ZNF260: variants seen among roughly 807,000 people sequenced by gnomAD.
The protein encoded by ZNF260 is zinc finger protein 260.
A neutral mutation model predicts 29.3 loss-of-function variants in ZNF260; 21 were observed. That is an observed-to-expected ratio of 0.72 (90% CI 0.51 to 1.03). ZNF260 has a LOEUF of 1.03. Among genes scored for constraint, ZNF260 ranks in the 50% least tolerant of loss-of-function variants. The pLI, the probability that ZNF260 is intolerant of heterozygous loss-of-function variation, is 0.00. For synonymous variants in ZNF260, 156 were observed against 156.8 expected (o/e 0.99, Z 0.04); for missense variants, 465 against 487.8 (o/e 0.95, Z 0.44).
Position 36,512,951 on chromosome 19 carries a change from C to T in ZNF260, c.*1049G>A, listed in dbSNP as rs2034476207. 2 of 152,268 alleles carry T rather than the reference C, an allele frequency of 1.3e-5. No individual in the cohort carries two copies. Among genetic ancestry groups the T allele is most frequent in the South Asian group, 4.2e-4 (2 of 4,818 alleles). The allele number at this position is 152,268 out of a possible 1,614,324, so 9.4% of individuals were successfully genotyped here. A position where few individuals can be genotyped will look rare whatever the true frequency, so the allele number is the denominator to read the frequency against. On this transcript the variant is annotated 3_prime_UTR_variant, in exon 3 of 3. Coordinates refer to ENST00000523638, the MANE Select transcript of ZNF260 (RefSeq NM_001166037.2). ...TCCCCCTTATCCACAGCTTTGCTTT[C>T]CATGGTTTCAGTTACCTGTAGTCAC... is the stretch of plus-strand genomic sequence containing the variant.
chr19:36,516,576 G>A (rs1005171893), intron 2 of ZNF260, among the ~76,000 whole-genome samples: 6 of 152,092 alleles, frequency 3.9e-5, no homozygotes, highest in African/African-American at 1.4e-4. Context: ...TGCAAGACTC[G>A]GTCTTTTATT....
At position 36,524,534 on chromosome 19, in the gene ZNF260, T is replaced by TTTTTTTTTTTA. The variant is rs1555779912; in HGVS notation, c.-462+620_-462+621insTAAAAAAAAAA. Among the ~76,000 whole-genome samples, 678 of 125,928 alleles carry TTTTTTTTTTTA rather than the reference T, an allele frequency of 5.4e-3. 21 individuals are homozygous for TTTTTTTTTTTA. The highest frequency in any genetic ancestry group is 0.019 in the African/African-American group (647 of 34,560). 82.6% of individuals were successfully genotyped at this position (125,928 alleles called of 152,430 possible). A position where few individuals can be genotyped will look rare whatever the true frequency, so the allele number is the denominator to read the frequency against. On this transcript the variant is annotated intron_variant, in intron 2 of 2. Coordinates refer to ENST00000523638, the MANE Select transcript of ZNF260 (RefSeq NM_001166037.2). The stretch of plus-strand genomic sequence containing the variant: ...ACATGCTAGTTTTTTTTTTTTTTTT[T>TTTTTTTTTTTA]ATTGATCATTCTTGGGTGTTTCTCG...
In ZNF260 at chr19:36,514,346, T is replaced by G. The variant is rs758884870; in HGVS notation, c.893A>C (p.His298Pro). 6.2e-7 allele frequency: 1 copy of G among 1,614,126 alleles called. No individual in the cohort carries two copies. The highest frequency in any genetic ancestry group is 1.3e-5 in the African/African-American group (1 of 75,052). The change falls in exon 3 of 3, where the codon CAT becomes CCT. Residue 298 changes from histidine (H) to proline (P), a missense_variant. His to Pro is a moderately conservative substitution (Grantham distance 77). Coordinates refer to ENST00000523638, the MANE Select transcript of ZNF260 (RefSeq NM_001166037.2). ...KQYLIKHHNI[H>P]TGEKPYECNK... is the part of the protein sequence containing the mutation. ...ACATTCATAGGGTTTCTCTCCTGTA[T>G]GAATATTGTGATGTTTAATGAGGTA...
Position 36,513,544 on chromosome 19 carries a change from CTGAATTCAA to C in ZNF260, c.*447_*455del. The C allele has an allele frequency of 2.5e-6, 1 of 396,634 alleles. No individual in the cohort carries two copies. 24.6% of individuals were successfully genotyped at this position (396,634 alleles called of 1,614,324 possible). A position where few individuals can be genotyped will look rare whatever the true frequency, so the allele number is the denominator to read the frequency against. ...TCCCCATATATTCATGCACACATTT[CTGAATTCAA>C]TATTCTGTCTCAGTCTCAGTTTTAT... is the stretch of plus-strand genomic sequence containing the variant. On this transcript the variant is annotated 3_prime_UTR_variant, in exon 3 of 3. Coordinates refer to ENST00000523638, the MANE Select transcript of ZNF260 (RefSeq NM_001166037.2).
At chr19:36,524,448 G>C (rs1225250381) in intron 2 of ZNF260, among the ~76,000 whole-genome samples, 1 of 151,684 alleles carries the variant, frequency 6.6e-6, no homozygotes, top group East Asian at 1.9e-4. Flanking sequence ...CAAAGTGCTG[G>C]GATTACAGGC....
chr19:36,514,090 A>T lies in ZNF260; in HGVS notation c.1149T>A (p.Thr383=). The change falls in exon 3 of 3, where the codon ACT becomes ACA. Residue 383 remains threonine, a synonymous_variant. Coordinates refer to ENST00000523638, the MANE Select transcript of ZNF260 (RefSeq NM_001166037.2). ...STLALHMRIH[T]GEKPYQCSEC... ...CACTACACTGATAAGGTTTTTCACC[A>T]GTATGGATTCTCATGTGCAGAGCAA... is the stretch of plus-strand genomic sequence containing the variant. 6.2e-7 allele frequency: 1 copy of T among 1,613,968 alleles called. No homozygotes were observed. The highest frequency in any genetic ancestry group is 2.2e-5 in the East Asian group (1 of 44,860).
At chr19:36,524,471 G>A (rs1266202182) in intron 2 of ZNF260, among the ~76,000 whole-genome samples, 6 of 150,844 alleles carry the variant, frequency 4.0e-5, no homozygotes, top group Admixed American at 2.0e-4. Context: ...GAGCCACCAC[G>A]CCTGGCCAGA....
chr19:36,516,904 C>A (rs779220515), intron 2 of ZNF260, among the ~76,000 whole-genome samples: 1 of 151,920 alleles, frequency 6.6e-6, no homozygotes, highest in Non-Finnish European at 1.5e-5. Context: ...CATAAGGAAT[C>A]GGTGAGAAAC....
At chr19:36,517,941 G>A (rs536690809) in intron 2 of ZNF260, 161 of 153,322 alleles carry the variant, frequency 1.1e-3, no homozygotes, top group South Asian at 5.4e-3. Flanking sequence ...GGGATTCTCC[G>A]GCATCAGCCT....
chr19:36,517,402 A>G (rs1193248579), intron 2 of ZNF260: 1 of 152,246 alleles, frequency 6.6e-6, no homozygotes, highest in Non-Finnish European at 1.5e-5. Flanking sequence ...CTCTAAAAAA[A>G]AAAAAGTATT....
Position 36,514,180 on chromosome 19 carries a change from G to A in ZNF260, c.1059C>T (p.Ser353=), listed in dbSNP as rs2034499266. The part of the protein sequence containing the change: ...QSSSLTVHMR[S]HTGEKPYGCN... ...AACCATAGGGTTTCTCACCTGTATG[G>A]CTTCTCATATGCACAGTAAGAGATG... The change falls in exon 3 of 3, where the codon AGC becomes AGT. Residue 353 remains serine (S), a synonymous_variant. Coordinates refer to ENST00000523638, the MANE Select transcript of ZNF260 (RefSeq NM_001166037.2). The A allele has an allele frequency of 7.4e-6, 12 of 1,613,814 alleles. No individual in the cohort carries two copies. Among genetic ancestry groups the A allele is most frequent in the African/African-American group, 1.3e-5 (1 of 74,946 alleles).
intron 2 of ZNF260, among the ~76,000 whole-genome samples, chr19:36,523,916 T>G (rs2034686150): frequency 6.6e-6 from 1 of 151,866 alleles, no homozygotes; most frequent in Non-Finnish European, 1.5e-5. Flanking sequence ...AATGAACTAA[T>G]AGGAAGTCAG....
At position 36,514,802 on chromosome 19, in the gene ZNF260, T is replaced by C. The variant is rs745515577; in HGVS notation, c.437A>G (p.Asn146Ser). 6.2e-7 allele frequency: 1 copy of C among 1,613,884 alleles called. No homozygotes were observed. The highest frequency in any genetic ancestry group is 2.2e-5 in the East Asian group (1 of 44,852). Residue 146 changes from asparagine to serine, a missense_variant, in exon 3 of 3, where the codon AAC (asparagine) becomes AGC (serine). Coordinates refer to ENST00000523638, the MANE Select transcript of ZNF260 (RefSeq NM_001166037.2). ...YACKECGKAF[N>S]GKAYLTEHEK... The stretch of plus-strand genomic sequence containing the variant: ...ATGCTCAGTGAGATATGCTTTGCCG[T>C]TAAAGGCTTTGCCACATTCCTTACA...
chr19:36,524,381 G>A (rs2034693807), intron 2 of ZNF260, among the ~76,000 whole-genome samples: 1 of 151,734 alleles, frequency 6.6e-6, no homozygotes, highest in South Asian at 2.1e-4. Flanking sequence ...GGGTTTCACC[G>A]TGTTAGCCAG....
At chr19:36,519,009 G>C (rs1368046794) in intron 2 of ZNF260, among the ~76,000 whole-genome samples, 1 of 151,670 alleles carries the variant, frequency 6.6e-6, no homozygotes, top group Non-Finnish European at 1.5e-5. Context: ...CTCCGGCTTG[G>C]GCAAGAGTGA....
intron 2 of ZNF260, among the ~76,000 whole-genome samples, chr19:36,524,534 T>TTTTTTTTTTTTTTTTTTA (rs1555779912): frequency 4.8e-5 from 6 of 125,958 alleles, no homozygotes; most frequent in South Asian, 5.4e-4. Context: ...TTTTTTTTTT[T>TTTTTTTTTTTTTTTTTTA]ATTGATCATT....
intron 1 of ZNF260, 44 bp downstream of exon 1, chr19:36,528,173 TCA>T (rs1195401982): frequency 1.0e-5 from 1 of 99,582 alleles, no homozygotes; most frequent in Non-Finnish European, 2.6e-5. Context: ...CTGGCCCGTT[TCA>T]GTGTCCAGAA....
chr19:36,517,682 A>C (rs1170855021), intron 2 of ZNF260, among the ~76,000 whole-genome samples: 1 of 152,196 alleles, frequency 6.6e-6, no homozygotes, highest in Non-Finnish European at 1.5e-5. Flanking sequence ...CTCCAAATTT[A>C]GTGATGACCA....
At chr19:36,521,915 G>C (rs976542783) in intron 2 of ZNF260, among the ~76,000 whole-genome samples, 5 of 151,946 alleles carry the variant, frequency 3.3e-5, no homozygotes, top group Non-Finnish European at 5.9e-5. Context: ...TATGCTTGGT[G>C]GTGGGCGCCT....
Sources: gnomAD v4.1 joint callset for allele counts (sites outside exome capture counted in the v4.1 genomes callset) on GRCh38, gnomAD v4.1.1 for gene constraint, MANE v1.5 for transcripts, NCBI Gene and HGNC (gene_info 2026-07-23, HGNC 2026-07-21) for gene names.